AKNA: variants seen among roughly 807,000 people sequenced by gnomAD.
AKNA encodes the protein microtubule organization protein AKNA.
A neutral mutation model predicts 138.8 loss-of-function variants in AKNA; 67 were observed. The ratio of observed to expected loss-of-function variants is 0.48; its 90% CI spans 0.40 to 0.59. The LOEUF is 0.59. Among genes scored for constraint, AKNA ranks in the 20% least tolerant of loss-of-function variants. AKNA has a pLI of 0.00. For missense variants in AKNA, 1,813 were observed against 1,880.4 expected, an observed-to-expected ratio of 0.96 and a Z score of 0.66; for synonymous variants, 737 against 754.4, an observed-to-expected ratio of 0.98 and a Z score of 0.38.
At chr9:114,370,441 GC>G in intron 4 of AKNA, among the ~76,000 whole-genome samples, 1 of 152,354 alleles carries the variant, frequency 6.6e-6, no homozygotes. Flanking sequence ...AAGCCAGGAA[GC>G]CCTTTTGTTT....
intron 9 of AKNA, among the ~76,000 whole-genome samples, chr9:114,360,679 C>T (rs1020217950): frequency 6.6e-6 from 1 of 152,192 alleles, no homozygotes; most frequent in African/African-American, 2.4e-5. Context: ...CCACCCTACC[C>T]AGCATGCCAG....
chr9:114,397,118 C>A (rs541979615), upstream of AKNA, among the ~76,000 whole-genome samples: 1 of 152,210 alleles, frequency 6.6e-6, no homozygotes, highest in South Asian at 2.1e-4. Context: ...ACCGGCTGGA[C>A]TTTAGGAGGC....
intron 9 of AKNA, among the ~76,000 whole-genome samples, chr9:114,361,476 ACT>A (rs1436922750): frequency 1.3e-5 from 2 of 151,652 alleles, no homozygotes; most frequent in Admixed American, 6.6e-5. Context: ...TCTACAGAAA[ACT>A]CTGTGAAGGT....
chr9:114,360,895 T>C (rs938811821), intron 9 of AKNA, among the ~76,000 whole-genome samples: 1 of 152,166 alleles, frequency 6.6e-6, no homozygotes, highest in African/African-American at 2.4e-5. Context: ...TGTGTAGGGC[T>C]CTTGTCTAGG....
rs114375960 is a variant in AKNA, at chr9:114,381,492, C to T, written c.-113-46G>A. The T allele has an allele frequency of 6.7e-4, 889 of 1,328,944 alleles. 9 individuals carry two copies. The African/African-American group carries it at 0.012, about 18-fold the overall frequency. The allele number at this position is 1,328,944 out of a possible 1,614,324, so 82.3% of individuals were successfully genotyped here. On this transcript the variant is annotated intron_variant, in intron 1 of 21. Transcript: ENST00000374088. ...AGAGAACATTAATCAATCCTGATCC[C>T]CTCTTTTATTCGGAACAAGAAGTTA...
chr9:114,374,911 A>G lies in AKNA; in HGVS notation c.1342-744T>C, dbSNP rs185181698. On this transcript the variant is annotated intron_variant, in intron 3 of 21. Transcript: ENST00000374088. ...GGTAACCAAGTAGTTGATGAGGGAC[A>G]CTTTTACTTTTTAGCATATTTCCAG... is the stretch of plus-strand genomic sequence containing the variant. Among the ~76,000 whole-genome samples, 9 of 152,320 alleles carry G rather than the reference A, an allele frequency of 5.9e-5. No individual in the cohort carries two copies. The East Asian group carries it at 1.5e-3, about 26-fold the overall frequency.
At chr9:114,342,538 T>C (rs2131791815) in intron 19 of AKNA, among the ~76,000 whole-genome samples, 1 of 133,618 alleles carries the variant, frequency 7.5e-6, no homozygotes, top group African/African-American at 2.8e-5. Context: ...GACAGAGCCA[T>C]TCTCCATGTG....
At position 114,343,689 on chromosome 9, in the gene AKNA, T is replaced by G. The variant is rs769803934; in HGVS notation, c.3757+19A>C. On this transcript the variant is annotated intron_variant, in intron 19 of 21. Transcript: ENST00000374088. Reference sequence around the variant, plus strand: ...CAGCCACAGCTGCCTGGGCCAGTTTTCCAGGTGCCATTCCTTACCCGCATC... The same window carrying G: ...CAGCCACAGCTGCCTGGGCCAGTTTGCCAGGTGCCATTCCTTACCCGCATC... 5 of 1,613,118 alleles carry G rather than the reference T, an allele frequency of 3.1e-6. No homozygotes were observed. In the South Asian group the frequency reaches 5.5e-5, roughly 18 times the overall value.
At position 114,336,971 on chromosome 9, in the gene AKNA, G is replaced by A; in HGVS notation, c.*83C>T. Reference sequence around the variant, plus strand: ...GTGAGGAACTATGCGGGCCTTCTGGGCCTCAGCAGCTCCAGCCCACTCCTG... The same window carrying A: ...GTGAGGAACTATGCGGGCCTTCTGGACCTCAGCAGCTCCAGCCCACTCCTG... On this transcript the variant is annotated 3_prime_UTR_variant, in exon 22 of 22. Transcript: ENST00000374088. 7.0e-7 allele frequency: 1 copy of A among 1,425,278 alleles called. No individual in the cohort carries two copies. The highest frequency in any genetic ancestry group is 1.5e-5 in the South Asian group (1 of 68,614). 88.3% of individuals were successfully genotyped at this position (1,425,278 alleles called of 1,614,324 possible).
At chr9:114,355,766 T>C (rs1420301141) in intron 14 of AKNA, among the ~76,000 whole-genome samples, 159 bp downstream of exon 14, 1 of 151,698 alleles carries the variant, frequency 6.6e-6, no homozygotes, top group Non-Finnish European at 1.5e-5. Context: ...TTCCAGAGTA[T>C]TTTTTTTTCT....
At chr9:114,381,663 T>TTTG (rs1833688442) in intron 1 of AKNA, among the ~76,000 whole-genome samples, 1 of 135,238 alleles carries the variant, frequency 7.4e-6, no homozygotes, top group Non-Finnish European at 1.6e-5. Context: ...GGGTTTTTTT[T>TTTG]TTTTTTTTTT....
Position 114,387,975 on chromosome 9 carries a change from G to A in AKNA, c.-229C>T, listed in dbSNP as rs1834166905. On this transcript the variant is annotated 5_prime_UTR_variant, in exon 1 of 22. Transcript: ENST00000374088. ...CCATTGCGCCCTGGCCCACCTCCAG[G>A]CCGTTCTGCCAGCCCAAGCTGCTGC... The A allele has an allele frequency of 2.4e-6, 1 of 416,556 alleles. No homozygotes were observed. Among genetic ancestry groups the A allele is most frequent in the African/African-American group, 2.0e-5 (1 of 49,486 alleles). 25.8% of individuals were successfully genotyped at this position (416,556 alleles called of 1,614,324 possible).
chr9:114,350,435 A>G (rs1005041490), intron 15 of AKNA, among the ~76,000 whole-genome samples: 4 of 152,232 alleles, frequency 2.6e-5, no homozygotes, highest in African/African-American at 9.6e-5. Flanking sequence ...CTGTTCAACC[A>G]AGGAAGTGGA....
chr9:114,380,570 G>A (rs974189611), intron 2 of AKNA, among the ~76,000 whole-genome samples: 2 of 152,044 alleles, frequency 1.3e-5, no homozygotes, highest in Non-Finnish European at 2.9e-5. Flanking sequence ...TATACTTTCC[G>A]GTTGTTCTGC....
chr9:114,379,011 G>T (rs374172937), intron 2 of AKNA, among the ~76,000 whole-genome samples: 1 of 152,200 alleles, frequency 6.6e-6, no homozygotes, highest in African/African-American at 2.4e-5. Context: ...CCTTCAGCAA[G>T]TTACTCTTGC....
chr9:114,369,852 T>C (rs940528303), intron 4 of AKNA, among the ~76,000 whole-genome samples: 1 of 152,038 alleles, frequency 6.6e-6, no homozygotes, highest in Non-Finnish European at 1.5e-5. Flanking sequence ...ACCACCACCA[T>C]CATCACCATT....
Position 114,377,157 on chromosome 9 carries a change from G to A in AKNA, c.650C>T (p.Ser217Phe), listed in dbSNP as rs1833293571. 2 of 1,614,176 alleles carry A rather than the reference G, an allele frequency of 1.2e-6. No individual in the cohort carries two copies. Among genetic ancestry groups the A allele is most frequent in the Non-Finnish European group, 1.7e-6 (2 of 1,180,024 alleles). The change falls in exon 3 of 22, where the codon TCT (serine) becomes TTT (phenylalanine). Residue 217 changes from serine (S) to phenylalanine (F), a missense_variant. By Grantham distance (155) the Ser-to-Phe change is radical (BLOSUM62 -2). Coordinates refer to ENST00000374088, the MANE Select transcript of AKNA (RefSeq NM_001317950.2). ...SLDHPSDSLD[S>F]TWEGETDGPQ... ...GCCATCGGTCTCTCCTTCCCAGGTAGAATCAAGGCTGTCACTAGGGTGGTC... is the reference window on the plus strand; with the variant it reads ...GCCATCGGTCTCTCCTTCCCAGGTAAAATCAAGGCTGTCACTAGGGTGGTC...
In AKNA at chr9:114,364,718, GTCCTCAGGATGTGGGGTTTCT is replaced by G. The variant is rs1832218543; in HGVS notation, c.1729-120_1729-100del. 1.9e-5 allele frequency: 24 copies of G among 1,270,292 alleles called. No individual in the cohort carries two copies. In the African/African-American group the frequency reaches 2.3e-4, roughly 12 times the overall value. The allele number at this position is 1,270,292 out of a possible 1,614,324, so 78.7% of individuals were successfully genotyped here. On this transcript the variant is annotated intron_variant, in intron 6 of 21. Transcript: ENST00000374088. ...TGCCTTGGTAAGAGGAGCTGGGTCC[GTCCTCAGGATGTGGGGTTTCT>G]GCCAAGCATGGAGACGTGGGTGCTG...
intron 2 of AKNA, 111 bp from the exon 3 acceptor site, chr9:114,377,643 T>TGA: frequency 1.8e-6 from 2 of 1,121,466 alleles, no homozygotes; most frequent in Non-Finnish European, 2.5e-6. Context: ...CACGTGGGGA[T>TGA]GGAAAGAATC....
Sources: gnomAD v4.1 joint callset for allele counts (sites outside exome capture counted in the v4.1 genomes callset) on GRCh38, gnomAD v4.1.1 for gene constraint, MANE v1.5 for transcripts, NCBI Gene and HGNC (gene_info 2026-07-23, HGNC 2026-07-21) for gene names.